The following GPC6 variants were observed in gnomAD, a reference collection of about 807,000 sequenced individuals.
The protein encoded by GPC6 is glypican-6.
A neutral mutation model predicts 55.2 loss-of-function variants in GPC6; 14 were observed. The observed-to-expected ratio is 0.25, with a 90% CI of 0.17 to 0.40. GPC6 has a LOEUF of 0.40. Among genes scored for constraint, GPC6 ranks in the 10% least tolerant of loss-of-function variants. GPC6 has a pLI of 1.00. For missense variants in GPC6, 641 were observed against 708.5 expected (o/e 0.90, Z 1.08); for synonymous variants, 278 against 259.6 (o/e 1.07, Z -0.68).
At chr13:93,462,787 G>A (rs1878744741) in intron 1 of GPC6, among the ~76,000 whole-genome samples, 1 of 151,970 alleles carries the variant, frequency 6.6e-6, no homozygotes, top group Non-Finnish European at 1.5e-5. Context: ...CAAGCCTACT[G>A]TGTATATAAG....
At chr13:93,441,572 C>A (rs910083221) in intron 1 of GPC6, among the ~76,000 whole-genome samples, 1 of 152,020 alleles carries the variant, frequency 6.6e-6, no homozygotes, top group African/African-American at 2.4e-5. Context: ...TGTTTGAGTT[C>A]TTTGTAGATT....
At chr13:94,272,453 CTTTTCTTTTCTTT>C (rs1892060445) in intron 4 of GPC6, among the ~76,000 whole-genome samples, 5 of 118,090 alleles carry the variant, frequency 4.2e-5, no homozygotes, top group African/African-American at 1.9e-4. Context: ...CTTTTCTTTT[CTTTTCTTTTCTTT>C]TTTTTTTTTT....
At chr13:93,739,404 A>G (rs950435179) in intron 2 of GPC6, among the ~76,000 whole-genome samples, 2 of 150,956 alleles carry the variant, frequency 1.3e-5, no homozygotes, top group African/African-American at 4.9e-5. Context: ...TAAATAGGAA[A>G]CTTTTTATTT....
chr13:93,795,835 G>A (rs3864994), intron 2 of GPC6, among the ~76,000 whole-genome samples: 49,815 of 151,594 alleles, frequency 0.33, 8,533 homozygotes, highest in African/African-American at 0.43. Flanking sequence ...GATTGTGTTG[G>A]AATTTTAATA....
chr13:93,276,017 G>A (rs559874709), intron 1 of GPC6, among the ~76,000 whole-genome samples: 8 of 152,218 alleles, frequency 5.3e-5, no homozygotes, highest in Admixed American at 3.9e-4. Flanking sequence ...TGGGACTACA[G>A]GCGCCCGCCA....
chr13:93,446,332 T>C (rs984315503), intron 1 of GPC6, among the ~76,000 whole-genome samples: 1 of 152,152 alleles, frequency 6.6e-6, no homozygotes, highest in African/African-American at 2.4e-5. Flanking sequence ...GGCCTGAAAA[T>C]TCAGCATCCC....
rs111435361 is a variant in GPC6 at position 93,318,276 on chromosome 13, G to A, written c.160+90660G>A. On this transcript the variant is annotated intron_variant, in intron 1 of 8. Transcript: ENST00000377047. ...AAATATGTGACAGTTTTTTTTGTTG[G>A]TTGGTTGGCTTTTGTTGTTTGATAC... Among the ~76,000 whole-genome samples the A allele has an allele frequency of 5.0e-3, 753 of 151,920 alleles. 6 individuals carry two copies. The highest frequency in any genetic ancestry group is 0.017 in the African/African-American group (706 of 41,458).
chr13:93,425,175 A>G (rs1411997869), intron 1 of GPC6, among the ~76,000 whole-genome samples: 1 of 152,176 alleles, frequency 6.6e-6, no homozygotes, highest in Non-Finnish European at 1.5e-5. Context: ...TGAATTACAA[A>G]AGTTTTAAGT....
At chr13:93,671,548 A>T (rs1881355730) in intron 2 of GPC6, among the ~76,000 whole-genome samples, 1 of 152,016 alleles carries the variant, frequency 6.6e-6, no homozygotes. Flanking sequence ...TTCCAGATTC[A>T]GTTCCAGTGT....
chr13:93,493,796 G>T (rs1459659016), intron 1 of GPC6, among the ~76,000 whole-genome samples: 1 of 119,050 alleles, frequency 8.4e-6, no homozygotes, highest in Non-Finnish European at 1.8e-5. Context: ...TAGTCATTCA[G>T]GAGCAGGTTG....
intron 4 of GPC6, among the ~76,000 whole-genome samples, chr13:94,249,849 G>A (rs1392928840): frequency 6.6e-6 from 1 of 152,130 alleles, no homozygotes; most frequent in Admixed American, 6.6e-5. Context: ...AGCACAGATA[G>A]GAGGTAAGTT....
At chr13:93,599,286 TAA>T (rs66801721) in intron 2 of GPC6, among the ~76,000 whole-genome samples, 41,805 of 139,278 alleles carry the variant, frequency 0.3, 6,315 homozygotes, top group Non-Finnish European at 0.37. Flanking sequence ...CAAATATTGG[TAA>T]AAAAAAAAAA....
intron 6 of GPC6, among the ~76,000 whole-genome samples, chr13:94,336,397 G>T (rs192213785): frequency 2.6e-5 from 4 of 152,282 alleles, no homozygotes; most frequent in African/African-American, 9.6e-5. Context: ...GTGGCTGCCA[G>T]TGATTCCTCA....
intron 1 of GPC6, among the ~76,000 whole-genome samples, chr13:93,399,124 C>T (rs189336715): frequency 6.4e-4 from 98 of 152,158 alleles, no homozygotes; most frequent in African/African-American, 2.2e-3. Context: ...TCACCGTGGT[C>T]TCTCATTCTT....
At chr13:93,941,560 A>G (rs975119223) in intron 3 of GPC6, among the ~76,000 whole-genome samples, 5 of 152,192 alleles carry the variant, frequency 3.3e-5, no homozygotes, top group Admixed American at 2.6e-4. Flanking sequence ...GATTTTATTT[A>G]TATTTTCAAA....
intron 2 of GPC6, among the ~76,000 whole-genome samples, chr13:93,650,142 T>A (rs1466886748): frequency 6.6e-6 from 1 of 152,158 alleles, no homozygotes; most frequent in East Asian, 1.9e-4. Context: ...AATCTACATT[T>A]TTTTTTCTTT....
intron 3 of GPC6, among the ~76,000 whole-genome samples, chr13:93,969,676 A>G (rs1045586768): frequency 1.3e-5 from 2 of 152,054 alleles, no homozygotes; most frequent in Non-Finnish European, 2.9e-5. Flanking sequence ...GTATACTTCA[A>G]TGGTCATAAA....
intron 1 of GPC6, among the ~76,000 whole-genome samples, chr13:93,330,581 C>G (rs1399226497): frequency 6.6e-6 from 1 of 152,110 alleles, no homozygotes; most frequent in Admixed American, 6.6e-5. Context: ...GCTGCTACCT[C>G]ATACACTGAA....
chr13:93,378,583 G>C (rs1453614463), intron 1 of GPC6, among the ~76,000 whole-genome samples: 2 of 152,082 alleles, frequency 1.3e-5, no homozygotes, highest in Non-Finnish European at 1.5e-5. Flanking sequence ...TAGACTTGTG[G>C]TTCTCAGCCC....
Sources: gnomAD v4.1 joint callset for allele counts (sites outside exome capture counted in the v4.1 genomes callset) on GRCh38, gnomAD v4.1.1 for gene constraint, MANE v1.5 for transcripts, NCBI Gene and HGNC (gene_info 2026-07-23, HGNC 2026-07-21) for gene names.